The following TTLL11 variants were observed in gnomAD, a reference collection of about 807,000 sequenced individuals.
TTLL11 encodes tubulin tyrosine ligase like 11.
Under a neutral mutation model 51.7 loss-of-function variants are expected in TTLL11, and 42 were observed. That is an observed-to-expected ratio of 0.81 (90% CI 0.64 to 1.05). The LOEUF is 1.05. TTLL11 is among the 50% of genes least tolerant of loss of function. The pLI is 0.00. For synonymous variants in TTLL11, 381 were observed against 383.5 expected (o/e 0.99, Z 0.08); for missense variants, 799 against 940.4 (o/e 0.85, Z 1.97).
chr9:121,874,693 T>A (rs1009811553), intron 6 of TTLL11, among the ~76,000 whole-genome samples: 2 of 152,114 alleles, frequency 1.3e-5, no homozygotes, highest in Admixed American at 6.5e-5. Flanking sequence ...ACATGGTCTG[T>A]CATTTGACTA....
intron 6 of TTLL11, among the ~76,000 whole-genome samples, chr9:121,882,645 C>T (rs549240820): frequency 3.3e-5 from 5 of 152,146 alleles, no homozygotes; most frequent in East Asian, 1.9e-4. Context: ...TCTTCCTGGG[C>T]GTTCTTATTC....
At chr9:122,045,749 A>G (rs1844984299) in intron 1 of TTLL11, among the ~76,000 whole-genome samples, 2 of 152,212 alleles carry the variant, frequency 1.3e-5, no homozygotes, top group African/African-American at 2.4e-5. Flanking sequence ...CTTCTACAAC[A>G]TGGATGTACC....
chr9:121,889,100 C>T (rs1434204253), intron 6 of TTLL11, among the ~76,000 whole-genome samples: 4 of 152,050 alleles, frequency 2.6e-5, no homozygotes, highest in Admixed American at 2.6e-4. Context: ...TACTCTGTGG[C>T]AGGCATGTTA....
At chr9:121,867,730 C>T (rs935116502) in intron 7 of TTLL11, among the ~76,000 whole-genome samples, 1 of 152,072 alleles carries the variant, frequency 6.6e-6, no homozygotes, top group Admixed American at 6.6e-5. Flanking sequence ...GAAGCCTCCC[C>T]CATTCTGTAC....
At chr9:122,030,202 T>TGGGG (rs35688566) in intron 3 of TTLL11, among the ~76,000 whole-genome samples, 6 of 78,524 alleles carry the variant, frequency 7.6e-5, no homozygotes, top group African/African-American at 2.0e-4. Context: ...AGAGAGACAT[T>TGGGG]GGGGGGGGGG....
At chr9:121,942,381 G>A (rs75976724) in intron 6 of TTLL11, among the ~76,000 whole-genome samples, 1 of 152,226 alleles carries the variant, frequency 6.6e-6, no homozygotes, top group African/African-American at 2.4e-5. Flanking sequence ...CTAACACATC[G>A]TCTTGGCCCT....
At chr9:122,053,038 T>C (rs1388989908) in intron 1 of TTLL11, among the ~76,000 whole-genome samples, 3 of 152,092 alleles carry the variant, frequency 2.0e-5, no homozygotes, top group Non-Finnish European at 4.4e-5. Context: ...CCTAATTAAG[T>C]CCCTTGGTGA....
chr9:122,082,821 C>T (rs528507361), intron 1 of TTLL11, among the ~76,000 whole-genome samples: 153 of 152,048 alleles, frequency 1.0e-3, no homozygotes, highest in African/African-American at 3.5e-3. Flanking sequence ...TCACTTGAGC[C>T]CAGGAGACTA....
chr9:122,028,680 T>C (rs753839200), intron 3 of TTLL11, among the ~76,000 whole-genome samples: 4 of 152,204 alleles, frequency 2.6e-5, no homozygotes, highest in Non-Finnish European at 5.9e-5. Flanking sequence ...CTTGGCCTAA[T>C]TGACACTTAT....
At chr9:121,914,714 C>G (rs969300510) in intron 6 of TTLL11, among the ~76,000 whole-genome samples, 1 of 152,208 alleles carries the variant, frequency 6.6e-6, no homozygotes, top group Non-Finnish European at 1.5e-5. Flanking sequence ...CCTGCCTGCG[C>G]TCCTGCAGAG....
chr9:121,917,542 G>GAAGAAA lies in TTLL11; in HGVS notation c.1482-46800_1482-46795dup, dbSNP rs1564303998. Reference sequence around the variant, plus strand: ...GAAAGAAAGGAAGGAAGGAAGGAAGGAAGAAAAAGAAAAAGAAAGAAAGAA... The same window carrying GAAGAAA: ...GAAAGAAAGGAAGGAAGGAAGGAAGGAAGAAAAAGAAAAAGAAAAAGAAAGAAAGAA... On this transcript the variant is annotated intron_variant, in intron 6 of 8. Transcript: ENST00000321582. 3.8e-5 allele frequency among the ~76,000 whole-genome samples: 5 copies of GAAGAAA among 131,622 alleles called. No individual in the cohort carries two copies. In the Admixed American group the frequency reaches 4.3e-4, roughly 11 times the overall value. 86.3% of individuals were successfully genotyped at this position (131,622 alleles called of 152,430 possible).
intron 6 of TTLL11, 83 bp from the exon 7 acceptor site, chr9:121,870,831 C>G: frequency 7.2e-7 from 1 of 1,382,952 alleles, no homozygotes; most frequent in Non-Finnish European, 9.6e-7. Context: ...CCTCGGGAGG[C>G]AGCATTACCA....
intron 6 of TTLL11, among the ~76,000 whole-genome samples, chr9:121,877,886 C>T (rs1311179892): frequency 6.6e-6 from 1 of 152,162 alleles, no homozygotes; most frequent in African/African-American, 2.4e-5. Flanking sequence ...GGCCTCCATA[C>T]ACGGGGAGCT....
At chr9:121,947,899 C>T (rs767731219) in intron 6 of TTLL11, among the ~76,000 whole-genome samples, 9 of 152,162 alleles carry the variant, frequency 5.9e-5, no homozygotes, top group Non-Finnish European at 8.8e-5. Context: ...CAGCAGGGCT[C>T]GATAGCTACA....
At chr9:122,043,162 G>C (rs979189007) in intron 1 of TTLL11, among the ~76,000 whole-genome samples, 16 of 152,112 alleles carry the variant, frequency 1.1e-4, no homozygotes, top group African/African-American at 3.4e-4. Flanking sequence ...TTTTGATGGT[G>C]GGGGAGGCTA....
rs1189626793 is a variant in TTLL11, at chr9:121,826,557, G to GTGTATATATA, written c.1841-3679_1841-3678insTATATATACA. On this transcript the variant is annotated intron_variant, in intron 8 of 8. Coordinates refer to ENST00000321582, the MANE Select transcript of TTLL11 (RefSeq NM_001139442.2). Reference sequence around the variant, plus strand: ...TGTGTGTATATATATATATGTGTGTGTATATATATATATATATATATATAT... The same window carrying GTGTATATATA: ...TGTGTGTATATATATATATGTGTGTGTGTATATATATATATATATATATATATATATATAT... 5.1e-4 allele frequency among the ~76,000 whole-genome samples: 26 copies of GTGTATATATA among 51,342 alleles called. 2 individuals carry two copies. Among genetic ancestry groups the GTGTATATATA allele is most frequent in the African/African-American group, 1.8e-3 (25 of 14,198 alleles). 33.7% of individuals were successfully genotyped at this position (51,342 alleles called of 152,430 possible).
At position 121,860,490 on chromosome 9, in the gene TTLL11, CCTGT is replaced by C; in HGVS notation, c.1734-51_1734-48del. 2.1e-6 allele frequency: 3 copies of C among 1,452,182 alleles called. No individual in the cohort carries two copies. The South Asian group carries it at 3.7e-5, about 18-fold the overall frequency. 90.0% of individuals were successfully genotyped at this position (1,452,182 alleles called of 1,614,324 possible). A position where few individuals can be genotyped will look rare whatever the true frequency, so the allele number is the denominator to read the frequency against. On this transcript the variant is annotated intron_variant, in intron 7 of 8. Coordinates refer to ENST00000321582, the MANE Select transcript of TTLL11 (RefSeq NM_001139442.2). The stretch of plus-strand genomic sequence containing the variant: ...ATGTCACTGCCAGCCTGAAACCTGT[CCTGT>C]CTATCTCTCCTCCACTCCTGTTAGG...
intron 8 of TTLL11, among the ~76,000 whole-genome samples, chr9:121,858,692 C>G (rs958880528): frequency 3.9e-5 from 6 of 152,166 alleles, no homozygotes; most frequent in African/African-American, 1.2e-4. Flanking sequence ...CAAGGGGTGT[C>G]CACTAATAAG....
At chr9:121,880,641 C>G (rs1588090605) in intron 6 of TTLL11, among the ~76,000 whole-genome samples, 1 of 152,194 alleles carries the variant, frequency 6.6e-6, no homozygotes, top group East Asian at 1.9e-4. Context: ...TATTTCTTTT[C>G]TAGACGGAAA....
Sources: allele counts gnomAD v4.1 joint callset (sites outside exome capture counted in the v4.1 genomes callset), GRCh38; gene constraint gnomAD v4.1.1; transcripts MANE v1.5; gene names NCBI Gene and HGNC (gene_info 2026-07-23, HGNC 2026-07-21).